SIPA1L1: variants seen among roughly 807,000 people sequenced by gnomAD.
SIPA1L1 encodes the protein signal-induced proliferation-associated 1-like protein 1.
SIPA1L1 carries 26 observed loss-of-function variants against 162.7 expected under a neutral mutation model. That is an observed-to-expected ratio of 0.16 (90% CI 0.12 to 0.22). SIPA1L1 has a LOEUF of 0.22. Ranked by LOEUF, SIPA1L1 falls within the 10% of genes least tolerant of loss-of-function variation. The pLI is 1.00. For synonymous variants in SIPA1L1, 829 were observed against 837.4 expected, an observed-to-expected ratio of 0.99 and a Z score of 0.17; for missense variants, 1,874 against 2,241.0, an observed-to-expected ratio of 0.84 and a Z score of 3.31.
intron 2 of SIPA1L1, among the ~76,000 whole-genome samples, chr14:71,422,362 G>C (rs995652960): frequency 6.6e-6 from 1 of 152,106 alleles, no homozygotes; most frequent in African/African-American, 2.4e-5. Context: ...TCACCGTACA[G>C]TTCGTTGGTA....
Position 71,343,886 on chromosome 14 carries a change from G to A in SIPA1L1, c.-465+22705G>A, listed in dbSNP as rs553152612. On this transcript the variant is annotated intron_variant, in intron 2 of 23. Coordinates refer to ENST00000381232, the MANE Select transcript of SIPA1L1 (RefSeq NM_001386936.1). ...GTGTTGTGTTCTAAAACTTGATGAGGTGGTAATTGGCATTCCAGATGCTTT... is the reference window on the plus strand; with the variant it reads ...GTGTTGTGTTCTAAAACTTGATGAGATGGTAATTGGCATTCCAGATGCTTT... Among the ~76,000 whole-genome samples the A allele has an allele frequency of 5.9e-5, 9 of 152,260 alleles. No homozygotes were observed. The South Asian group carries it at 1.9e-3, about 32-fold the overall frequency.
intron 12 of SIPA1L1, among the ~76,000 whole-genome samples, chr14:71,673,520 G>C (rs1419797776): frequency 6.6e-6 from 1 of 152,170 alleles, no homozygotes; most frequent in Non-Finnish European, 1.5e-5. Flanking sequence ...GTGAATATCA[G>C]ATGGTAGAAA....
At chr14:71,436,834 G>T (rs1397903643) in intron 2 of SIPA1L1, among the ~76,000 whole-genome samples, 1 of 145,988 alleles carries the variant, frequency 6.8e-6, no homozygotes, top group Admixed American at 7.1e-5. Flanking sequence ...GCACGATCTC[G>T]GCTCACTGCA....
intron 20 of SIPA1L1, among the ~76,000 whole-genome samples, chr14:71,730,819 G>A (rs2084694305): frequency 6.6e-6 from 1 of 152,172 alleles, no homozygotes; most frequent in South Asian, 2.1e-4. Flanking sequence ...TGTGGATGAT[G>A]GGTACCTCCA....
intron 4 of SIPA1L1, among the ~76,000 whole-genome samples, chr14:71,539,223 A>G (rs2054163967): frequency 6.6e-6 from 1 of 152,194 alleles, no homozygotes; most frequent in Admixed American, 6.5e-5. Context: ...GATAATGAAT[A>G]TAAAAACACT....
At chr14:71,727,100 G>A (rs903638167) in intron 19 of SIPA1L1, among the ~76,000 whole-genome samples, 6 of 152,106 alleles carry the variant, frequency 3.9e-5, no homozygotes, top group African/African-American at 1.4e-4. Flanking sequence ...CAGTGGCAGA[G>A]CTACAGCACT....
chr14:71,383,952 T>C (rs913448969), intron 2 of SIPA1L1, among the ~76,000 whole-genome samples: 1 of 152,212 alleles, frequency 6.6e-6, no homozygotes, highest in African/African-American at 2.4e-5. Flanking sequence ...TTTGCTTGTT[T>C]ATTACCTATT....
chr14:71,705,009 G>A (rs957827358), intron 15 of SIPA1L1: 25 of 610,870 alleles, frequency 4.1e-5, no homozygotes, highest in Admixed American at 1.4e-4. Flanking sequence ...TGTGTATGAC[G>A]TGACAAGTTG....
At chr14:71,439,789 GC>G (rs2044690368) in intron 2 of SIPA1L1, among the ~76,000 whole-genome samples, 1 of 152,030 alleles carries the variant, frequency 6.6e-6, no homozygotes, top group African/African-American at 2.4e-5. Flanking sequence ...TGAATTCCTT[GC>G]CCAGATGTGA....
intron 4 of SIPA1L1, among the ~76,000 whole-genome samples, chr14:71,583,915 T>G (rs2034265618): frequency 6.6e-6 from 1 of 152,096 alleles, no homozygotes; most frequent in Non-Finnish European, 1.5e-5. Context: ...AGCCAGTAAC[T>G]TAATTATTCT....
At chr14:71,598,843 T>C (rs2147938327) in intron 5 of SIPA1L1, among the ~76,000 whole-genome samples, 1 of 152,340 alleles carries the variant, frequency 6.6e-6, no homozygotes, top group African/African-American at 2.4e-5. Flanking sequence ...TTGAAATATA[T>C]CAGTAGATCG....
At chr14:71,671,901 CTGTGTGTGTGTGTGTG>C (rs34919280) in intron 11 of SIPA1L1, among the ~76,000 whole-genome samples, 54 of 142,702 alleles carry the variant, frequency 3.8e-4, no homozygotes, top group Non-Finnish European at 6.3e-4. Flanking sequence ...CACATTTACT[CTGTGTGTGTGTGTGTG>C]TGTGTGTGTG....
At chr14:71,480,766 AC>A (rs1318149259) in intron 2 of SIPA1L1, among the ~76,000 whole-genome samples, 2 of 152,170 alleles carry the variant, frequency 1.3e-5, no homozygotes, top group Admixed American at 6.5e-5. Context: ...TGTTTCCAAA[AC>A]AAAAAACAAA....
chr14:71,577,730 C>CTTTTTTTTT (rs5809525), intron 4 of SIPA1L1, among the ~76,000 whole-genome samples: 1 of 97,158 alleles, frequency 1.0e-5, no homozygotes, highest in Non-Finnish European at 1.9e-5. Flanking sequence ...TTGGGCATGC[C>CTTTTTTTTT]TTTTTTTTTT....
intron 3 of SIPA1L1, among the ~76,000 whole-genome samples, chr14:71,526,802 G>A (rs546264248): frequency 2.0e-5 from 3 of 152,166 alleles, no homozygotes; most frequent in African/African-American, 4.8e-5. Context: ...ACTGGGTTTC[G>A]GCTATTACAG....
intron 4 of SIPA1L1, among the ~76,000 whole-genome samples, chr14:71,568,007 A>G (rs910412390): frequency 6.6e-6 from 1 of 152,226 alleles, no homozygotes; most frequent in African/African-American, 2.4e-5. Flanking sequence ...CGAGCAGTGA[A>G]GACAACCAGA....
intron 2 of SIPA1L1, among the ~76,000 whole-genome samples, chr14:71,374,092 G>T (rs1288629594): frequency 6.6e-6 from 1 of 152,116 alleles, no homozygotes; most frequent in African/African-American, 2.4e-5. Context: ...GACAGCCAAA[G>T]AACTGAAATA....
intron 16 of SIPA1L1, among the ~76,000 whole-genome samples, chr14:71,706,519 A>G (rs1196859247): frequency 3.3e-5 from 5 of 152,194 alleles, no homozygotes; most frequent in Non-Finnish European, 5.9e-5. Context: ...ATACATCTCA[A>G]TTCAAACCAG....
intron 12 of SIPA1L1, among the ~76,000 whole-genome samples, chr14:71,673,863 C>T (rs778296283): frequency 6.6e-6 from 1 of 152,102 alleles, no homozygotes; most frequent in African/African-American, 2.4e-5. Flanking sequence ...GTCTAATGAA[C>T]CTTATTAGCC....
Sources: allele counts gnomAD v4.1 joint callset (sites outside exome capture counted in the v4.1 genomes callset), GRCh38; gene constraint gnomAD v4.1.1; transcripts MANE v1.5; gene names NCBI Gene and HGNC (gene_info 2026-07-23, HGNC 2026-07-21).